Variants in RARRES1 observed in about 807,000 individuals in gnomAD.
RARRES1 encodes retinoic acid receptor responder protein 1.
A neutral mutation model predicts 30.6 loss-of-function variants in RARRES1; 34 were observed. The ratio of observed to expected loss-of-function variants is 1.11; its 90% confidence interval spans 0.84 to 1.48. The LOEUF (loss-of-function observed/expected upper bound fraction) is 1.48, where lower values mean the gene tolerates loss of function less well. RARRES1 is among the 40% of genes most tolerant of loss of function. The pLI is 0.00. For synonymous variants in RARRES1, 153 were observed against 155.5 expected (o/e 0.98, Z 0.12); for missense variants, 373 against 386.5 (o/e 0.97, Z 0.29).
intron 1 of RARRES1, among the ~76,000 whole-genome samples, chr3:158,716,123 G>C (rs1727314386): frequency 6.6e-6 from 1 of 152,226 alleles, no homozygotes; most frequent in African/African-American, 2.4e-5. Flanking sequence ...CAGGTTTCTA[G>C]CTGTGAGGTG....
chr3:158,711,074 T>A, intron 2 of RARRES1, 141 bp from the exon 3 acceptor site: 1 of 702,568 alleles, frequency 1.4e-6, no homozygotes, highest in South Asian at 1.9e-5. Flanking sequence ...TTATTGTGGG[T>A]TGTGCTCACA....
chr3:158,706,318 G>C (rs914373219), intron 3 of RARRES1, among the ~76,000 whole-genome samples: 1 of 152,162 alleles, frequency 6.6e-6, no homozygotes, highest in African/African-American at 2.4e-5. Flanking sequence ...TTTGGGCTTT[G>C]GGCTGGAGAG....
chr3:158,722,213 A>G (rs1047447499), intron 1 of RARRES1, among the ~76,000 whole-genome samples: 1 of 152,130 alleles, frequency 6.6e-6, no homozygotes, highest in East Asian at 1.9e-4. Flanking sequence ...TTTTATAATG[A>G]CATTTGTATA....
intron 3 of RARRES1, among the ~76,000 whole-genome samples, chr3:158,706,227 C>T (rs948511063): frequency 6.6e-6 from 1 of 152,172 alleles, no homozygotes; most frequent in African/African-American, 2.4e-5. Context: ...CACATGTTGA[C>T]ATGGTGGGGT....
At chr3:158,725,407 A>G (rs984184297) in intron 1 of RARRES1, among the ~76,000 whole-genome samples, 19 of 152,166 alleles carry the variant, frequency 1.2e-4, no homozygotes, top group African/African-American at 3.4e-4. Flanking sequence ...ATGCCTCACA[A>G]TGTCAGTCGT....
At chr3:158,731,406 A>G (rs1727882246) in intron 1 of RARRES1, among the ~76,000 whole-genome samples, 1 of 152,198 alleles carries the variant, frequency 6.6e-6, no homozygotes, top group Non-Finnish European at 1.5e-5. Flanking sequence ...TTTGTAATCT[A>G]TAGGATGAAG....
intron 1 of RARRES1, among the ~76,000 whole-genome samples, chr3:158,726,767 G>T (rs180680371): frequency 2.2e-4 from 33 of 152,296 alleles, no homozygotes; most frequent in Admixed American, 4.6e-4. Flanking sequence ...ATTCCCCATG[G>T]GTGTGTTTTC....
At chr3:158,698,518 C>T (rs1414461568) in intron 4 of RARRES1, among the ~76,000 whole-genome samples, 1 of 152,224 alleles carries the variant, frequency 6.6e-6, no homozygotes, top group Non-Finnish European at 1.5e-5. Flanking sequence ...CACCCACATT[C>T]TTCATATATA....
chr3:158,727,278 A>G (rs564775372), intron 1 of RARRES1, among the ~76,000 whole-genome samples: 43 of 152,336 alleles, frequency 2.8e-4, no homozygotes, highest in African/African-American at 9.6e-4. Flanking sequence ...TACAGATTTT[A>G]TTTTAAATAG....
rs1726568833 is a variant in RARRES1, at chr3:158,697,052, T to C, written c.*626A>G. The C allele has an allele frequency of 6.6e-6, 1 of 152,246 alleles. No homozygotes were observed. The highest frequency in any genetic ancestry group is 2.4e-5 in the African/African-American group (1 of 41,466). 9.4% of individuals were successfully genotyped at this position (152,246 alleles called of 1,614,324 possible). On this transcript the variant is annotated 3_prime_UTR_variant, in exon 6 of 6. Coordinates refer to ENST00000237696, the MANE Select transcript of RARRES1 (RefSeq NM_206963.2). ...ATTACCATTTCATTTAATTCCAGTT[T>C]AGCACAAATTTTTCCTTTGTATACA...
chr3:158,722,086 C>CAAAAAAAAAAAA (rs571829700), intron 1 of RARRES1, among the ~76,000 whole-genome samples: 3 of 68,738 alleles, frequency 4.4e-5, no homozygotes, highest in East Asian at 4.7e-4. Flanking sequence ...GAATGAAACT[C>CAAAAAAAAAAAA]AAAAAAAAAA....
In RARRES1 at chr3:158,725,395, C is replaced by A. The variant is rs150497335; in HGVS notation, c.276+6745G>T. Among the ~76,000 whole-genome samples the A allele has an allele frequency of 1.8e-4, 27 of 152,314 alleles. No homozygotes were observed. In the East Asian group the frequency reaches 4.6e-3, roughly 26 times the overall value. On this transcript the variant is annotated intron_variant, in intron 1 of 5. Transcript: ENST00000237696. ...CGAGTGTGTGTGTATGTATAACCTT[C>A]CATGCCTCACAATGTCAGTCGTTGT...
At chr3:158,720,544 T>A (rs138184995) in intron 1 of RARRES1, among the ~76,000 whole-genome samples, 254 of 152,312 alleles carry the variant, frequency 1.7e-3, no homozygotes, top group Non-Finnish European at 3.3e-3. Flanking sequence ...CTGGGTAGAA[T>A]CCCTCCTTGC....
chr3:158,704,502 A>G (rs554592758), intron 4 of RARRES1: 23 of 290,226 alleles, frequency 7.9e-5, no homozygotes, highest in Non-Finnish European at 1.1e-4. Context: ...AATTTTTTTC[A>G]TAGCATTTAC....
At chr3:158,730,335 AAAAC>A (rs1239041204) in intron 1 of RARRES1, among the ~76,000 whole-genome samples, 2 of 150,966 alleles carry the variant, frequency 1.3e-5, no homozygotes, top group Admixed American at 6.6e-5. Flanking sequence ...AAAAAAAAAA[AAAAC>A]AAAGACAGGT....
chr3:158,710,675 C>T, intron 3 of RARRES1, 63 bp downstream of exon 3: 6 of 1,439,682 alleles, frequency 4.2e-6, no homozygotes, highest in Non-Finnish European at 5.7e-6. Flanking sequence ...AATGATCTTT[C>T]TTTTAAGGAT....
At position 158,697,947 on chromosome 3, in the gene RARRES1, A is replaced by G. The variant is rs763633310; in HGVS notation, c.696T>C (p.Asp232=). ...RQWKTNDDTI[D]FDYTVLLHEL... ...CATGAAGTAGAACAGTATAATCAAA[A>G]TCAATTGTATCATCATTAGTTTTCT... Residue 232 remains aspartate, a synonymous_variant, in exon 5 of 6, where the codon GAT becomes GAC. Transcript: ENST00000237696. 3.3e-6 allele frequency: 5 copies of G among 1,532,966 alleles called. No homozygotes were observed. Among genetic ancestry groups the G allele is most frequent in the Non-Finnish European group, 9.0e-7 (1 of 1,109,196 alleles). The allele number at this position is 1,532,966 out of a possible 1,614,324, so 95.0% of individuals were successfully genotyped here.
Position 158,715,657 on chromosome 3 carries a change from A to G in RARRES1, c.277-1798T>C, listed in dbSNP as rs533432701. Among the ~76,000 whole-genome samples the G allele has an allele frequency of 1.2e-4, 18 of 152,316 alleles. No homozygotes were observed. The South Asian group carries it at 3.5e-3, about 30-fold the overall frequency. ...TATTTTTATTATTACTAAAATCTATAGGCATGAGAAAGCAGAAGAACTGGG... is the reference window on the plus strand; with the variant it reads ...TATTTTTATTATTACTAAAATCTATGGGCATGAGAAAGCAGAAGAACTGGG... On this transcript the variant is annotated intron_variant, in intron 1 of 5. Transcript: ENST00000237696.
At chr3:158,698,970 T>C (rs564044100) in intron 4 of RARRES1, among the ~76,000 whole-genome samples, 1 of 152,336 alleles carries the variant, frequency 6.6e-6, no homozygotes, top group East Asian at 1.9e-4. Context: ...ATGTGCTCAC[T>C]TCAATGCTTG....
Sources: allele counts gnomAD v4.1 joint callset (sites outside exome capture counted in the v4.1 genomes callset), GRCh38; gene constraint gnomAD v4.1.1; transcripts MANE v1.5; gene names NCBI Gene and HGNC (gene_info 2026-07-23, HGNC 2026-07-21).